The following ADGRB1 variants were observed in gnomAD, a reference collection of about 807,000 sequenced individuals.
The protein encoded by ADGRB1 is adhesion G protein-coupled receptor B1.
ADGRB1 carries 36 observed loss-of-function variants against 175.7 expected under a neutral mutation model. The ratio of observed to expected loss-of-function variants is 0.20; its 90% CI spans 0.16 to 0.27. ADGRB1 has a LOEUF of 0.27. ADGRB1 is among the 10% of genes least tolerant of loss of function. ADGRB1 has a pLI of 1.00. For synonymous variants in ADGRB1, 1,054 were observed against 979.4 expected (o/e 1.08, Z -1.42); for missense variants, 1,731 against 2,255.3 (o/e 0.77, Z 4.71).
At chr8:142,521,651 A>C (rs1278482056) in intron 20 of ADGRB1, among the ~76,000 whole-genome samples, 1 of 152,210 alleles carries the variant, frequency 6.6e-6, no homozygotes, top group African/African-American at 2.4e-5. Flanking sequence ...CCTTGGGCTT[A>C]CTACCTCCTG....
chr8:142,476,906 G>C (rs893649506), intron 4 of ADGRB1, among the ~76,000 whole-genome samples: 2 of 152,214 alleles, frequency 1.3e-5, no homozygotes, highest in African/African-American at 4.8e-5. Context: ...CAGAGGCCCA[G>C]GGATGGCACA....
intron 1 of ADGRB1, among the ~76,000 whole-genome samples, chr8:142,453,785 G>A (rs1481249051): frequency 6.6e-6 from 1 of 152,236 alleles, no homozygotes; most frequent in Non-Finnish European, 1.5e-5. Context: ...GGAGGCTCTG[G>A]GGAGTGCAAG....
At chr8:142,535,627 C>T (rs941027148) in intron 25 of ADGRB1, among the ~76,000 whole-genome samples, 3 of 152,190 alleles carry the variant, frequency 2.0e-5, no homozygotes, top group Non-Finnish European at 4.4e-5. Context: ...TGGGACACTC[C>T]TGCAGGTGGG....
intron 24 of ADGRB1, among the ~76,000 whole-genome samples, chr8:142,528,447 C>T (rs895089557): frequency 1.3e-5 from 2 of 152,208 alleles, no homozygotes; most frequent in African/African-American, 4.8e-5. Flanking sequence ...AGGCTGGACT[C>T]CTGAGGGGCT....
At chr8:142,515,391 C>T (rs896675464) in intron 18 of ADGRB1, among the ~76,000 whole-genome samples, 10 of 152,322 alleles carry the variant, frequency 6.6e-5, no homozygotes, top group South Asian at 2.1e-4. Context: ...TGCTGAGCAA[C>T]GGCCGTCGGG....
intron 1 of ADGRB1, among the ~76,000 whole-genome samples, chr8:142,453,886 C>G (rs965141388): frequency 6.6e-6 from 1 of 152,110 alleles, no homozygotes; most frequent in Non-Finnish European, 1.5e-5. Flanking sequence ...GTCAGAGGTC[C>G]GGGCAGAAGG....
In ADGRB1 at chr8:142,455,412, G is replaced by A. The variant is rs2131624213; in HGVS notation, c.-220+5308G>A. ...CTCGGGCATCCCTCTCTGGGGCTTGGTCAGGGGAAGGGCACGACAGAAGTC... is the reference window on the plus strand; with the variant it reads ...CTCGGGCATCCCTCTCTGGGGCTTGATCAGGGGAAGGGCACGACAGAAGTC... On this transcript the variant is annotated intron_variant, in intron 1 of 30. Transcript: ENST00000517894. The surrounding 1 kb of genome is among the most constrained non-coding windows in gnomAD (Gnocchi z 4.9). 6.6e-6 allele frequency among the ~76,000 whole-genome samples: 1 copy of A among 152,166 alleles called. No individual in the cohort carries two copies. Among genetic ancestry groups the A allele is most frequent in the Admixed American group, 6.5e-5 (1 of 15,296 alleles).
rs770526044 is a variant in ADGRB1, at chr8:142,544,296, A to G, written c.4634A>G (p.Lys1545Arg). The G allele has an allele frequency of 5.2e-6, 8 of 1,549,182 alleles. No homozygotes were observed. The South Asian group carries it at 9.5e-5, about 18-fold the overall frequency. Residue 1545 changes from lysine to arginine, a missense_variant, in exon 31 of 31, where the codon AAG (lysine) becomes AGG (arginine). Transcript: ENST00000517894. ...GCCCACGGGACGCCCACGTGGGTGAAGAAGGAGCTGGAGCCGCTGCAGCCG... is the reference window on the plus strand; with the variant it reads ...GCCCACGGGACGCCCACGTGGGTGAGGAAGGAGCTGGAGCCGCTGCAGCCG... ...RKAHGTPTWV[K>R]KELEPLQPSP...
chr8:142,465,339 G>A (rs891416493), intron 2 of ADGRB1, among the ~76,000 whole-genome samples: 4 of 152,216 alleles, frequency 2.6e-5, no homozygotes, highest in African/African-American at 4.8e-5. Flanking sequence ...CATCCTCCTG[G>A]CTGGGAGAGG....
At chr8:142,462,676 G>A (rs905834231) in intron 1 of ADGRB1, among the ~76,000 whole-genome samples, 3 of 152,248 alleles carry the variant, frequency 2.0e-5, no homozygotes, top group African/African-American at 4.8e-5. Flanking sequence ...GTGGGCGGGC[G>A]ACCGGCATTT....
intron 13 of ADGRB1, 65 bp from the exon 14 acceptor site, chr8:142,488,299 G>A: frequency 6.3e-7 from 1 of 1,589,750 alleles, no homozygotes; most frequent in Non-Finnish European, 8.6e-7. Context: ...TCCCGCAGCT[G>A]AGGCCCCGCC....
chr8:142,515,627 G>T (rs1287133542), intron 18 of ADGRB1, among the ~76,000 whole-genome samples: 1 of 152,160 alleles, frequency 6.6e-6, no homozygotes, highest in African/African-American at 2.4e-5. Flanking sequence ...ATTTACTGGG[G>T]TCACCCTGTC....
chr8:142,498,413 G>C (rs1398339250), intron 17 of ADGRB1, among the ~76,000 whole-genome samples: 1 of 152,112 alleles, frequency 6.6e-6, no homozygotes. Flanking sequence ...CACTCAGGCT[G>C]CCCAGGACGC....
intron 23 of ADGRB1, 80 bp downstream of exon 23, chr8:142,524,384 T>C: frequency 7.1e-7 from 1 of 1,400,258 alleles, no homozygotes; most frequent in Non-Finnish European, 9.6e-7. Context: ...TGCTGTCTCA[T>C]GCCCCAGGCT....
chr8:142,543,848 C>G lies in ADGRB1; in HGVS notation c.4557+140C>G. On this transcript the variant is annotated intron_variant, in intron 30 of 30. Transcript: ENST00000517894. This position sits in a 1 kb window ranked among gnomAD's most constrained non-coding sequence, Gnocchi z 4.4. ...CATTCATTCATTCATTCGCCCATCC[C>G]TGAGGGCTGGCCTGACCCTGCCATG... is the stretch of plus-strand genomic sequence containing the variant. 1.1e-6 allele frequency: 1 copy of G among 942,926 alleles called. No homozygotes were observed. Among genetic ancestry groups the G allele is most frequent in the Non-Finnish European group, 1.6e-6 (1 of 615,036 alleles). 58.4% of individuals were successfully genotyped at this position (942,926 alleles called of 1,614,324 possible). A position where few individuals can be genotyped will look rare whatever the true frequency, so the allele number is the denominator to read the frequency against.
intron 18 of ADGRB1, among the ~76,000 whole-genome samples, chr8:142,516,750 C>T (rs1255470669): frequency 6.6e-6 from 1 of 151,802 alleles, no homozygotes; most frequent in East Asian, 1.9e-4. Context: ...GTCCCAGGTG[C>T]GTGTGTCTGT....
In ADGRB1 at chr8:142,504,098, G is replaced by A. The variant is rs1340280737; in HGVS notation, c.2676-6834G>A. ...AGGCAGGTGTTCAAATGCCAAGGTC[G>A]ATGGGTCACAGCGACCAGGATCTCC... On this transcript the variant is annotated intron_variant, in intron 17 of 30. Coordinates refer to ENST00000517894, the MANE Select transcript of ADGRB1 (RefSeq NM_001702.3). This position sits in a 1 kb window ranked among gnomAD's most constrained non-coding sequence, Gnocchi z 5.6. Among the ~76,000 whole-genome samples the A allele has an allele frequency of 3.3e-5, 5 of 152,202 alleles. No individual in the cohort carries two copies. Among genetic ancestry groups the A allele is most frequent in the African/African-American group, 9.6e-5 (4 of 41,458 alleles).
intron 22 of ADGRB1, among the ~76,000 whole-genome samples, chr8:142,523,517 G>C (rs1049908583): frequency 1.3e-5 from 2 of 152,050 alleles, no homozygotes; most frequent in Admixed American, 6.5e-5. Flanking sequence ...GAGGGCCCAG[G>C]GGGTGAGTGC....
intron 6 of ADGRB1, 21 bp downstream of exon 6, chr8:142,477,570 A>G (rs960365253): frequency 1.2e-6 from 2 of 1,601,884 alleles, no homozygotes; most frequent in Non-Finnish European, 1.7e-6. Flanking sequence ...GGGAGGGCGT[A>G]GGGGCAGGGA....
Sources: allele counts gnomAD v4.1 joint callset (sites outside exome capture counted in the v4.1 genomes callset), GRCh38; gene constraint gnomAD v4.1.1; non-coding constraint Gnocchi (gnomAD v3.1); transcripts MANE v1.5; gene names NCBI Gene and HGNC (gene_info 2026-07-23, HGNC 2026-07-21).